Variants in SHISA9 observed in about 807,000 individuals in gnomAD.
SHISA9 encodes shisa family member 9.
SHISA9 carries 13 observed loss-of-function variants against 38.0 expected under a neutral mutation model. The observed-to-expected ratio is 0.34, with a 90% CI of 0.22 to 0.54. SHISA9 has a LOEUF of 0.54. Among genes scored for constraint, SHISA9 ranks in the 20% least tolerant of loss-of-function variants. The pLI is 0.91. For synonymous variants in SHISA9, 275 were observed against 242.0 expected (o/e 1.14, Z -1.27); for missense variants, 538 against 575.8 (o/e 0.93, Z 0.67).
chr16:13,099,023 C>G (rs970755195), intron 2 of SHISA9, among the ~76,000 whole-genome samples: 2 of 152,234 alleles, frequency 1.3e-5, no homozygotes, highest in Admixed American at 1.3e-4. Flanking sequence ...TTATTGAATA[C>G]TAAATGCCTG....
chr16:13,318,184 A>C, the SHISA9 span, among the ~76,000 whole-genome samples: 1 of 152,196 alleles, frequency 6.6e-6, no homozygotes, highest in Admixed American at 6.5e-5. Flanking sequence ...CCAACCTCAT[A>C]CTATTGACAT....
intron 2 of SHISA9, among the ~76,000 whole-genome samples, chr16:12,929,850 C>T (rs947757313): frequency 6.6e-6 from 1 of 152,138 alleles, no homozygotes; most frequent in Non-Finnish European, 1.5e-5. Flanking sequence ...GCTTCCACTT[C>T]AGGGGTTTTA....
chr16:13,432,402 C>T, the SHISA9 span, among the ~76,000 whole-genome samples: 2 of 152,018 alleles, frequency 1.3e-5, no homozygotes, highest in African/African-American at 2.4e-5. Context: ...TATGGTGATG[C>T]GTTGAGAAAG....
At chr16:13,144,004 A>C (rs1165177937) in intron 2 of SHISA9, among the ~76,000 whole-genome samples, 1 of 152,174 alleles carries the variant, frequency 6.6e-6, no homozygotes, top group Non-Finnish European at 1.5e-5. Context: ...TCAGTTGGTT[A>C]AATAGGGTAC....
At chr16:13,019,812 CTTT>C (rs2072806696) in intron 2 of SHISA9, among the ~76,000 whole-genome samples, 5 of 140,182 alleles carry the variant, frequency 3.6e-5, no homozygotes, top group African/African-American at 1.1e-4. Context: ...TTCTTTCTTT[CTTT>C]CTTTCTTTCT....
the SHISA9 span, among the ~76,000 whole-genome samples, chr16:13,342,751 G>A: frequency 3.5e-3 from 531 of 152,136 alleles, 2 homozygotes; most frequent in African/African-American, 0.012. Flanking sequence ...AGATTTCATG[G>A]TCCATTATTT....
At position 13,239,991 on chromosome 16, in the gene SHISA9, C is replaced by T. The variant is rs1428554195; in HGVS notation, c.*4582C>T. On this transcript the variant is annotated 3_prime_UTR_variant, in exon 5 of 5. Coordinates refer to ENST00000558583, the MANE Select transcript of SHISA9 (RefSeq NM_001145204.3). Reference sequence around the variant, plus strand: ...GGTAGTGAGACCTAGAAGAGAGAAACCAGAACAAAGCAGACAGGCTGTCCT... The same window carrying T: ...GGTAGTGAGACCTAGAAGAGAGAAATCAGAACAAAGCAGACAGGCTGTCCT... 6.6e-6 allele frequency: 1 copy of T among 152,222 alleles called. No individual in the cohort carries two copies. Among genetic ancestry groups the T allele is most frequent in the East Asian group, 1.9e-4 (1 of 5,188 alleles). The allele number at this position is 152,222 out of a possible 1,614,324, so 9.4% of individuals were successfully genotyped here. A position where few individuals can be genotyped will look rare whatever the true frequency, so the allele number is the denominator to read the frequency against.
the SHISA9 span, among the ~76,000 whole-genome samples, chr16:13,328,997 T>C: frequency 6.6e-6 from 1 of 152,036 alleles, no homozygotes; most frequent in Non-Finnish European, 1.5e-5. Context: ...ATGCCGGCAG[T>C]TGTGCAAGTA....
intron 2 of SHISA9, among the ~76,000 whole-genome samples, chr16:13,109,510 C>G (rs1296262178): frequency 6.6e-6 from 1 of 152,160 alleles, no homozygotes; most frequent in Non-Finnish European, 1.5e-5. Context: ...TGTTTAATGA[C>G]TTAAAAACCC....
At chr16:13,361,492 T>C in the SHISA9 span, among the ~76,000 whole-genome samples, 2 of 152,256 alleles carry the variant, frequency 1.3e-5, no homozygotes, top group Admixed American at 1.3e-4. Context: ...AAGCTTCATC[T>C]CATTTATATC....
At chr16:12,915,409 C>T (rs192718941) in intron 1 of SHISA9, among the ~76,000 whole-genome samples, 4 of 152,168 alleles carry the variant, frequency 2.6e-5, no homozygotes, top group African/African-American at 7.2e-5. Context: ...CACACCACTG[C>T]ACTCCAGCCT....
chr16:13,061,010 G>A (rs2073368982), intron 2 of SHISA9, among the ~76,000 whole-genome samples: 1 of 152,104 alleles, frequency 6.6e-6, no homozygotes, highest in Non-Finnish European at 1.5e-5. Flanking sequence ...ATGGTGCATG[G>A]TATGGGGATC....
the SHISA9 span, among the ~76,000 whole-genome samples, chr16:13,298,601 A>G: frequency 6.6e-6 from 1 of 152,146 alleles, no homozygotes; most frequent in African/African-American, 2.4e-5. Context: ...TGGAGTCAGG[A>G]TTTGAACCCA....
chr16:13,204,929 G>A (rs1195048554), intron 3 of SHISA9: 1 of 152,234 alleles, frequency 6.6e-6, no homozygotes, highest in South Asian at 2.1e-4. Flanking sequence ...ATGAGGGGGT[G>A]TGATAGTTAC....
the SHISA9 span, among the ~76,000 whole-genome samples, chr16:13,263,571 A>AAC: frequency 2.0e-5 from 3 of 152,210 alleles, no homozygotes; most frequent in Non-Finnish European, 2.9e-5. Context: ...TGAACAGATG[A>AAC]CCAACACTAT....
chr16:13,305,671 C>T, the SHISA9 span, among the ~76,000 whole-genome samples: 1 of 152,172 alleles, frequency 6.6e-6, no homozygotes, highest in Non-Finnish European at 1.5e-5. Context: ...AGTGGATTGT[C>T]CTCCATTTGA....
intron 2 of SHISA9, among the ~76,000 whole-genome samples, chr16:12,976,459 G>A (rs958189406): frequency 2.0e-5 from 3 of 152,094 alleles, no homozygotes; most frequent in African/African-American, 7.2e-5. Flanking sequence ...ATTGACATGG[G>A]TGCATCATCT....
the SHISA9 span, among the ~76,000 whole-genome samples, chr16:13,556,735 G>A: frequency 4.6e-5 from 7 of 151,966 alleles, no homozygotes; most frequent in African/African-American, 1.7e-4. Context: ...TCCCTCCTCA[G>A]ATTCAACCAA....
chr16:13,290,667 C>T, the SHISA9 span, among the ~76,000 whole-genome samples: 1 of 152,108 alleles, frequency 6.6e-6, no homozygotes, highest in Non-Finnish European at 1.5e-5. Context: ...AACACAACCC[C>T]CTGCCTCCCT....
Sources: allele counts gnomAD v4.1 joint callset (sites outside exome capture counted in the v4.1 genomes callset), GRCh38; gene constraint gnomAD v4.1.1; transcripts MANE v1.5; gene names NCBI Gene and HGNC (gene_info 2026-07-23, HGNC 2026-07-21).